Variants in PDXDC1 observed in about 807,000 individuals in gnomAD.
The protein encoded by PDXDC1 is pyridoxal-dependent decarboxylase domain-containing protein 1.
A neutral mutation model predicts 100.1 loss-of-function variants in PDXDC1; 42 were observed. The ratio of observed to expected loss-of-function variants is 0.42; its 90% CI spans 0.33 to 0.54. The LOEUF is 0.54. Among genes scored for constraint, PDXDC1 ranks in the 20% least tolerant of loss-of-function variants. The pLI is 0.10. For missense variants in PDXDC1, 636 were observed against 979.2 expected, an observed-to-expected ratio of 0.65 and a Z score of 4.68; for synonymous variants, 260 against 371.7, an observed-to-expected ratio of 0.70 and a Z score of 3.46.
the PDXDC1 span, among the ~76,000 whole-genome samples, chr16:15,145,582 T>C: frequency 6.6e-6 from 1 of 152,238 alleles, no homozygotes; most frequent in Non-Finnish European, 1.5e-5. Context: ...GGCTGGGCCT[T>C]GGGAGCTGCA....
chr16:15,002,412 CCTCT>C (rs1307503069), intron 4 of PDXDC1, among the ~76,000 whole-genome samples: 3 of 152,292 alleles, frequency 2.0e-5, no homozygotes, highest in Non-Finnish European at 4.4e-5. Context: ...CTATGCCCAC[CCTCT>C]CTAATACATA....
intron 16 of PDXDC1, chr16:15,046,078 G>A (rs2044047631): frequency 6.6e-6 from 1 of 152,260 alleles, no homozygotes; most frequent in South Asian, 2.1e-4. Context: ...CAGAGTGTGT[G>A]GCAACATAAT....
chr16:15,055,412 G>A (rs1409397897), intron 16 of PDXDC1, among the ~76,000 whole-genome samples: 2 of 152,204 alleles, frequency 1.3e-5, no homozygotes, highest in African/African-American at 4.8e-5. Context: ...AAGGACTGGG[G>A]GTCCCCGCCA....
intron 16 of PDXDC1, among the ~76,000 whole-genome samples, chr16:15,064,784 C>A (rs1015874696): frequency 6.6e-6 from 1 of 152,202 alleles, no homozygotes; most frequent in Non-Finnish European, 1.5e-5. Flanking sequence ...AGGGAGACCA[C>A]GAGATGCTCA....
At chr16:15,043,777 A>G (rs1490589069) in intron 16 of PDXDC1, among the ~76,000 whole-genome samples, 2 of 152,002 alleles carry the variant, frequency 1.3e-5, no homozygotes, top group South Asian at 2.1e-4. Flanking sequence ...GTGAAACCCC[A>G]TTTCTACCAA....
chr16:15,091,252 A>G (rs1737817503), intron 16 of PDXDC1: 1 of 1,593,280 alleles, frequency 6.3e-7, no homozygotes, highest in Non-Finnish European at 8.6e-7. Flanking sequence ...GGACCCAAAG[A>G]GCAAACTATG....
At position 14,989,263 on chromosome 16, in the gene PDXDC1, G is replaced by A. The variant is rs199901079; in HGVS notation, c.22-8490G>A. 3.4e-3 allele frequency: 5,437 copies of A among 1,613,752 alleles called. 14 individuals are homozygous for A. The highest frequency in any genetic ancestry group is 3.5e-3 in the Non-Finnish European group (4,091 of 1,179,836). On this transcript the variant is annotated intron_variant, in intron 1 of 22. Transcript: ENST00000396410. The stretch of plus-strand genomic sequence containing the variant: ...AGCTCCTTGGCTGCTTTGCTTTTGG[G>A]CACCTGGGGGATAATGGGGCCAGAG...
At chr16:15,146,451 C>T in the PDXDC1 span, among the ~76,000 whole-genome samples, 10 of 152,254 alleles carry the variant, frequency 6.6e-5, no homozygotes, top group South Asian at 6.2e-4. Flanking sequence ...ACGATACTCG[C>T]GGCTCTGCCA....
chr16:15,022,072 C>G (rs1322558353), intron 12 of PDXDC1, among the ~76,000 whole-genome samples: 42 of 152,408 alleles, frequency 2.8e-4, no homozygotes, highest in Non-Finnish European at 4.7e-4. Context: ...TTAATATACT[C>G]CAATCCCATG....
chr16:15,118,527 GCTGT>G (rs2047310666), intron 16 of PDXDC1, among the ~76,000 whole-genome samples: 2 of 127,134 alleles, frequency 1.6e-5, no homozygotes. Flanking sequence ...TTCCTGTTAA[GCTGT>G]CTGTTGTCAG....
At chr16:14,985,525 T>G (rs1969166990) in intron 1 of PDXDC1, among the ~76,000 whole-genome samples, 1 of 152,238 alleles carries the variant, frequency 6.6e-6, no homozygotes, top group African/African-American at 2.4e-5. Flanking sequence ...GACCTCGTGA[T>G]CCACCTGCCT....
In PDXDC1 at chr16:15,032,852, T is replaced by A. The variant is rs761299557; in HGVS notation, c.1572-9T>A. ...TAAGCTGAAATGCTGTGGTTTGATG[T>A]TGTTTTAGGTATGAACATGCTAATG... On this transcript the variant is annotated splice_polypyrimidine_tract_variant and intron_variant, in intron 17 of 22. Coordinates refer to ENST00000396410, the MANE Select transcript of PDXDC1 (RefSeq NM_015027.4). 27 of 1,427,638 alleles carry A rather than the reference T, an allele frequency of 1.9e-5. No individual in the cohort carries two copies. Among genetic ancestry groups the A allele is most frequent in the Middle Eastern group, 3.5e-4 (2 of 5,708 alleles). 88.4% of individuals were successfully genotyped at this position (1,427,638 alleles called of 1,614,324 possible).
intron 16 of PDXDC1, among the ~76,000 whole-genome samples, chr16:15,098,499 C>T (rs2046434360): frequency 6.6e-6 from 1 of 152,032 alleles, no homozygotes; most frequent in Non-Finnish European, 1.5e-5. Flanking sequence ...TCGTGTCTGG[C>T]TACTATTAGT....
chr16:15,092,438 T>G (rs1309749420), intron 16 of PDXDC1: 1 of 878,642 alleles, frequency 1.1e-6, no homozygotes, highest in Non-Finnish European at 1.9e-6. Context: ...TTTCTATTGG[T>G]CTTTAGTATA....
intron 16 of PDXDC1, chr16:15,083,701 T>C (rs1171079579): frequency 5.4e-5 from 76 of 1,417,542 alleles, no homozygotes; most frequent in Non-Finnish European, 7.0e-5. Context: ...CAGGAACCCC[T>C]ACCTCAAAGA....
chr16:15,047,761 C>T, intron 16 of PDXDC1: 2 of 1,138,458 alleles, frequency 1.8e-6, no homozygotes, highest in Non-Finnish European at 1.3e-6. Context: ...AGTCCGCTTC[C>T]AACAAGACAC....
Position 14,988,588 on chromosome 16 carries a change from C to T in PDXDC1, c.22-9165C>T, listed in dbSNP as rs1233026921. The T allele has an allele frequency of 2.5e-6, 4 of 1,613,510 alleles. No homozygotes were observed. The East Asian group carries it at 8.9e-5, about 36-fold the overall frequency. The stretch of plus-strand genomic sequence containing the variant: ...AGCTCCACTGGCTCGTCCAGGCAGC[C>T]TGCCTTGCAGGCATAGATCTTGACA... On this transcript the variant is annotated intron_variant, in intron 1 of 22. Coordinates refer to ENST00000396410, the MANE Select transcript of PDXDC1 (RefSeq NM_015027.4).
the PDXDC1 span, among the ~76,000 whole-genome samples, chr16:15,148,693 G>A: frequency 6.6e-6 from 1 of 151,754 alleles, no homozygotes; most frequent in African/African-American, 2.4e-5. Context: ...TGTTTAAACG[G>A]GGTCCCTGTC....
chr16:15,104,665 G>A (rs1237354529), intron 16 of PDXDC1: 4 of 1,597,630 alleles, frequency 2.5e-6, no homozygotes, highest in South Asian at 1.1e-5. Context: ...GGAGGTGGCT[G>A]GTGGCCCATC....
Sources: gnomAD v4.1 joint callset for allele counts (sites outside exome capture counted in the v4.1 genomes callset) on GRCh38, gnomAD v4.1.1 for gene constraint, MANE v1.5 for transcripts, NCBI Gene and HGNC (gene_info 2026-07-23, HGNC 2026-07-21) for gene names.